CHAF1A: variants seen among roughly 807,000 people sequenced by gnomAD.
CHAF1A encodes CAF-1 subunit A.
A neutral mutation model predicts 93.2 loss-of-function variants in CHAF1A; 5 were observed. The observed-to-expected ratio is 0.05, with a 90% CI of 0.03 to 0.11. CHAF1A has a LOEUF of 0.11. CHAF1A is among the 10% of genes least tolerant of loss of function. The pLI, the probability that CHAF1A is intolerant of heterozygous loss-of-function variation, is 1.00. For missense variants in CHAF1A, 1,102 were observed against 1,259.9 expected (o/e 0.87, Z 1.90); for synonymous variants, 504 against 510.3 (o/e 0.99, Z 0.17).
downstream of CHAF1A, chr19:4,446,870 C>T (rs1974542624): frequency 6.2e-7 from 1 of 1,613,944 alleles, no homozygotes; most frequent in Non-Finnish European, 8.5e-7. Context: ...CCTTCTGGAA[C>T]CCAATGGCCT....
rs527564958 is a variant in CHAF1A, at chr19:4,416,067, G to A, written c.961-1953G>A. 1.2e-4 allele frequency among the ~76,000 whole-genome samples: 18 copies of A among 152,200 alleles called. 1 individual carries two copies. The highest frequency in any genetic ancestry group is 4.3e-4 in the African/African-American group (18 of 41,538). On this transcript the variant is annotated intron_variant, in intron 3 of 14. Coordinates refer to ENST00000301280, the MANE Select transcript of CHAF1A (RefSeq NM_005483.3). Reference sequence around the variant, plus strand: ...TGGGCACCTATAGTCCCAGCTACTGGGCAGACTGAGGCAGGAGAATCGCTT... The same window carrying A: ...TGGGCACCTATAGTCCCAGCTACTGAGCAGACTGAGGCAGGAGAATCGCTT...
downstream of CHAF1A, chr19:4,448,168 T>G: frequency 1.4e-6 from 1 of 689,952 alleles, no homozygotes; most frequent in Non-Finnish European, 2.5e-6. Flanking sequence ...GCCTGAGGCC[T>G]CTGGGTGGAG....
At position 4,433,589 on chromosome 19, in the gene CHAF1A, G is replaced by A; in HGVS notation, c.2673+50G>A. On this transcript the variant is annotated intron_variant, in intron 13 of 14. Coordinates refer to ENST00000301280, the MANE Select transcript of CHAF1A (RefSeq NM_005483.3). This position sits in a 1 kb window ranked among gnomAD's most constrained non-coding sequence, Gnocchi z 5.6. Reference sequence around the variant, plus strand: ...GCCTCTGCAGGGCTTTTCTTTTTTTGTTTGTTTTTTGTTGTTTTGTTTTTT... The same window carrying A: ...GCCTCTGCAGGGCTTTTCTTTTTTTATTTGTTTTTTGTTGTTTTGTTTTTT... The A allele has an allele frequency of 1.4e-6, 2 of 1,419,324 alleles. No homozygotes were observed. Among genetic ancestry groups the A allele is most frequent in the Non-Finnish European group, 1.9e-6 (2 of 1,049,910 alleles). The allele number at this position is 1,419,324 out of a possible 1,614,324, so 87.9% of individuals were successfully genotyped here.
chr19:4,421,376 G>A (rs1473034955), intron 4 of CHAF1A, among the ~76,000 whole-genome samples: 1 of 152,090 alleles, frequency 6.6e-6, no homozygotes, highest in East Asian at 1.9e-4. Flanking sequence ...AGCCCAGCAG[G>A]ATTGTGTTTT....
intron 7 of CHAF1A, among the ~76,000 whole-genome samples, chr19:4,427,099 A>T (rs1313886568): frequency 6.2e-5 from 9 of 144,704 alleles, no homozygotes; most frequent in African/African-American, 2.3e-4. Context: ...TCAGAAAAAA[A>T]AAAGAGGAGT....
Position 4,429,446 on chromosome 19 carries a change from T to C in CHAF1A, c.1613T>C (p.Val538Ala). The part of the protein sequence containing the change: ...RNADIFNSDV[V>A]IVERGKGDGV... Reference sequence around the variant, plus strand: ...GGGGTTTTCCTTCTCAGTGATGTCGTCATCGTGGAGCGTGGGAAGGGCGAC... The same window carrying C: ...GGGGTTTTCCTTCTCAGTGATGTCGCCATCGTGGAGCGTGGGAAGGGCGAC... The change falls in exon 9 of 15, where the codon GTC becomes GCC. Residue 538 changes from valine to alanine, a missense_variant. Physicochemically the swap from Val to Ala is moderately conservative, Grantham distance 64 (BLOSUM62 0). Coordinates refer to ENST00000301280, the MANE Select transcript of CHAF1A (RefSeq NM_005483.3). 1.2e-6 allele frequency: 2 copies of C among 1,613,716 alleles called. No homozygotes were observed. The highest frequency in any genetic ancestry group is 1.7e-6 in the Non-Finnish European group (2 of 1,179,878).
At chr19:4,415,202 G>A (rs1427496151) in intron 3 of CHAF1A, among the ~76,000 whole-genome samples, 1 of 152,036 alleles carries the variant, frequency 6.6e-6, no homozygotes, top group Non-Finnish European at 1.5e-5. Flanking sequence ...TAAACACTTG[G>A]GTCAAATTTC....
chr19:4,447,988 G>A (rs573045333), downstream of CHAF1A: 199 of 507,666 alleles, frequency 3.9e-4, 1 homozygote, highest in Middle Eastern at 5.4e-4. Flanking sequence ...CGGCGTTGGC[G>A]GGCAGCGTGG....
chr19:4,417,950 G>C, intron 3 of CHAF1A, 70 bp from the exon 4 acceptor site: 1 of 1,128,370 alleles, frequency 8.9e-7, no homozygotes, highest in Non-Finnish European at 1.3e-6. Flanking sequence ...TGATCACCTG[G>C]AAAGGTTTCT....
In CHAF1A at chr19:4,433,865, G is replaced by A. The variant is rs914399305; in HGVS notation, c.2673+326G>A. ...TCCGTCTGCCTTGTCCTCCCAAAGT[G>A]CTGGGATTACAGGCGTGAGCCACCT... On this transcript the variant is annotated intron_variant, in intron 13 of 14. Transcript: ENST00000301280. The surrounding 1 kb of genome is among the most constrained non-coding windows in gnomAD (Gnocchi z 5.6). Among the ~76,000 whole-genome samples, 24 of 152,096 alleles carry A rather than the reference G, an allele frequency of 1.6e-4. No homozygotes were observed. The highest frequency in any genetic ancestry group is 5.6e-4 in the African/African-American group (23 of 41,426).
intron 10 of CHAF1A, 99 bp downstream of exon 10, chr19:4,429,887 C>T: frequency 9.7e-7 from 1 of 1,027,418 alleles, no homozygotes; most frequent in Admixed American, 2.3e-5. Flanking sequence ...TGTGTTCACT[C>T]ACTGACAGCT....
At chr19:4,417,133 G>A (rs1027237707) in intron 3 of CHAF1A, among the ~76,000 whole-genome samples, 2 of 151,958 alleles carry the variant, frequency 1.3e-5, no homozygotes, top group East Asian at 1.9e-4. Flanking sequence ...CACAACACCC[G>A]ACTAACTAAA....
At chr19:4,436,141 C>CA (rs1010254888) in intron 13 of CHAF1A, among the ~76,000 whole-genome samples, 7 of 145,634 alleles carry the variant, frequency 4.8e-5, no homozygotes, top group Admixed American at 2.0e-4. Flanking sequence ...TCTAGTCCCC[C>CA]AAAAAAAAAA....
At chr19:4,427,136 CTTTTTTTTTTTTTTTTT>C (rs747750687) in intron 7 of CHAF1A, among the ~76,000 whole-genome samples, 4 of 31,948 alleles carry the variant, frequency 1.3e-4, no homozygotes, top group African/African-American at 5.9e-4. Flanking sequence ...AAGACCCTGT[CTTTTTTTTTTTTTTTTT>C]TTTTTTTTTT....
In CHAF1A at chr19:4,423,844, C is replaced by A; in HGVS notation, c.1347C>A (p.Phe449Leu). The stretch of plus-strand genomic sequence containing the variant: ...AGAAGGCCGAAATCACGAGGTTCTT[C>A]CAGAAACCAAAGACTCCACAGGCCC... Reference protein sequence around the residue: ...KAEKAEITRFFQKPKTPQAPK... With the variant: ...KAEKAEITRFLQKPKTPQAPK... The change falls in exon 7 of 15, where the codon TTC (phenylalanine) becomes TTA (leucine). Residue 449 changes from phenylalanine to leucine, a missense_variant. Coordinates refer to ENST00000301280, the MANE Select transcript of CHAF1A (RefSeq NM_005483.3). The A allele has an allele frequency of 5.0e-6, 8 of 1,614,116 alleles. No individual in the cohort carries two copies. The highest frequency in any genetic ancestry group is 6.8e-6 in the Non-Finnish European group (8 of 1,179,982).
chr19:4,430,904 G>A (rs1974170339), intron 11 of CHAF1A: 2 of 479,804 alleles, frequency 4.2e-6, no homozygotes, highest in South Asian at 4.5e-5. Flanking sequence ...GCCATGGTCT[G>A]TGGGTTAGAA....
Position 4,424,803 on chromosome 19 carries a change from T to C in CHAF1A, c.1377+929T>C, listed in dbSNP as rs1974051410. The stretch of plus-strand genomic sequence containing the variant: ...GCACATGCTACCACACCTGGCTAAT[T>C]TTTGTATTTTTAGTATAGACGGGGT... On this transcript the variant is annotated intron_variant, in intron 7 of 14. Transcript: ENST00000301280. Among the ~76,000 whole-genome samples, 5 of 152,228 alleles carry C rather than the reference T, an allele frequency of 3.3e-5. No individual in the cohort carries two copies. The Middle Eastern group carries it at 0.017, about 518-fold the overall frequency.
chr19:4,403,247 G>C (rs1290516534), intron 1 of CHAF1A, among the ~76,000 whole-genome samples: 1 of 152,206 alleles, frequency 6.6e-6, no homozygotes, highest in Non-Finnish European at 1.5e-5. Context: ...ATGCCGCTGA[G>C]GGTCGGGGTA....
chr19:4,414,342 G>T (rs140234282), intron 3 of CHAF1A, among the ~76,000 whole-genome samples: 2 of 151,462 alleles, frequency 1.3e-5, no homozygotes, highest in Non-Finnish European at 2.9e-5. Flanking sequence ...CAGAGGTTGC[G>T]GTGAGTCATG....
Sources: allele counts gnomAD v4.1 joint callset (sites outside exome capture counted in the v4.1 genomes callset), GRCh38; gene constraint gnomAD v4.1.1; non-coding constraint Gnocchi (gnomAD v3.1); transcripts MANE v1.5; gene names NCBI Gene and HGNC (gene_info 2026-07-23, HGNC 2026-07-21).